Variants in CHN2 observed in about 807,000 individuals in gnomAD.
CHN2 encodes the protein beta-chimaerin.
CHN2 carries 35 observed loss-of-function variants against 56.3 expected under a neutral mutation model. The ratio of observed to expected loss-of-function variants is 0.62; its 90% CI spans 0.47 to 0.82. The LOEUF (loss-of-function observed/expected upper bound fraction) is 0.82, where lower values mean the gene tolerates loss of function less well. Among genes scored for constraint, CHN2 ranks in the 40% least tolerant of loss-of-function variants. The pLI is 0.00. For synonymous variants in CHN2, 210 were observed against 212.8 expected (o/e 0.99, Z 0.12); for missense variants, 491 against 580.5 (o/e 0.85, Z 1.58).
intron 1 of CHN2, among the ~76,000 whole-genome samples, chr7:29,303,304 G>A (rs1266447455): frequency 6.6e-6 from 1 of 151,962 alleles, no homozygotes; most frequent in Non-Finnish European, 1.5e-5. Context: ...TATTCCCATT[G>A]ATGCGCCGCC....
intron 1 of CHN2, among the ~76,000 whole-genome samples, chr7:29,324,100 G>A (rs1023014104): frequency 1.3e-5 from 2 of 152,082 alleles, no homozygotes; most frequent in Non-Finnish European, 2.9e-5. Flanking sequence ...GGTGGGGGGC[G>A]GGCACAGGAG....
Position 29,348,844 on chromosome 7 carries a change from A to G in CHN2, c.50-5781A>G, listed in dbSNP as rs548377971. 2.6e-5 allele frequency among the ~76,000 whole-genome samples: 4 copies of G among 152,342 alleles called. No individual in the cohort carries two copies. The East Asian group carries it at 7.7e-4, about 29-fold the overall frequency. On this transcript the variant is annotated intron_variant, in intron 1 of 12. Coordinates refer to ENST00000222792, the MANE Select transcript of CHN2 (RefSeq NM_004067.4). Reference sequence around the variant, plus strand: ...CAATATATACAGAAAATTGTAAAATACAAGTAAGCAGAAGAAGAAAATAGA... The same window carrying G: ...CAATATATACAGAAAATTGTAAAATGCAAGTAAGCAGAAGAAGAAAATAGA...
At chr7:29,330,314 G>A (rs775864436) in intron 1 of CHN2, among the ~76,000 whole-genome samples, 93 of 152,292 alleles carry the variant, frequency 6.1e-4, no homozygotes, top group Middle Eastern at 3.4e-3. Flanking sequence ...AGATGATTAC[G>A]ATATTGCACC....
rs925787365 is a variant in CHN2 at position 29,432,934 on chromosome 7, G to A, written c.576+32106G>A. On this transcript the variant is annotated intron_variant, in intron 6 of 12. Transcript: ENST00000222792. Reference sequence around the variant, plus strand: ...CTGACAACTGGGAGGCTGTAGCTCCGGCATTCTTCTGTTGGCGACAGCTCT... The same window carrying A: ...CTGACAACTGGGAGGCTGTAGCTCCAGCATTCTTCTGTTGGCGACAGCTCT... Among the ~76,000 whole-genome samples the A allele has an allele frequency of 4.6e-5, 7 of 152,268 alleles. No homozygotes were observed. In the South Asian group the frequency reaches 6.2e-4, roughly 14 times the overall value.
At chr7:29,285,542 G>A (rs1273332968) in intron 1 of CHN2, among the ~76,000 whole-genome samples, 4 of 152,198 alleles carry the variant, frequency 2.6e-5, no homozygotes, top group South Asian at 2.1e-4. Flanking sequence ...TGAATGCAGC[G>A]TTAGACCACA....
chr7:29,480,213 G>A (rs754827172), intron 6 of CHN2, 66 bp from the exon 7 acceptor site: 33 of 1,613,726 alleles, frequency 2.0e-5, no homozygotes, highest in African/African-American at 5.3e-5. Context: ...CGTAGCCTTC[G>A]GGGTGAAGGT....
At chr7:29,258,858 C>T (rs1405643711) in intron 1 of CHN2, among the ~76,000 whole-genome samples, 1 of 152,092 alleles carries the variant, frequency 6.6e-6, no homozygotes, top group South Asian at 2.1e-4. Flanking sequence ...ACATGCAATC[C>T]CACTTCCATC....
At chr7:29,423,845 G>A (rs371889906) in intron 6 of CHN2, among the ~76,000 whole-genome samples, 12 of 152,076 alleles carry the variant, frequency 7.9e-5, no homozygotes, top group South Asian at 4.1e-4. Flanking sequence ...TATCCTGGTC[G>A]CAGGCTGGTT....
chr7:29,423,869 C>T (rs1181752800), intron 6 of CHN2, among the ~76,000 whole-genome samples: 1 of 152,110 alleles, frequency 6.6e-6, no homozygotes, highest in African/African-American at 2.4e-5. Context: ...AGTCCATGCC[C>T]CATTTGTAGC....
upstream of CHN2, chr7:29,193,308 CTG>C (rs1407709578): frequency 1.3e-5 from 2 of 151,820 alleles, no homozygotes; most frequent in Non-Finnish European, 2.9e-5. Flanking sequence ...TGGGTGCGTA[CTG>C]TGATTATTTA....
chr7:29,405,754 T>TTTTGTTTG (rs1164069326), intron 6 of CHN2, among the ~76,000 whole-genome samples: 1 of 152,022 alleles, frequency 6.6e-6, no homozygotes, highest in East Asian at 1.9e-4. Context: ...CCACTCAGCG[T>TTTTGTTTG]TTTGTTTGTT....
intron 1 of CHN2, among the ~76,000 whole-genome samples, chr7:29,252,206 T>TA (rs1788606561): frequency 2.7e-5 from 4 of 150,508 alleles, no homozygotes; most frequent in African/African-American, 7.4e-5. Context: ...TTTTTTTTTT[T>TA]TTTAGACAGT....
At chr7:29,235,672 G>A (rs1175140176) in intron 1 of CHN2, among the ~76,000 whole-genome samples, 1 of 152,212 alleles carries the variant, frequency 6.6e-6, no homozygotes, top group East Asian at 1.9e-4. Flanking sequence ...TAAAGAAAAT[G>A]TAGTACATGT....
chr7:29,254,381 A>G (rs1468962289), intron 1 of CHN2, among the ~76,000 whole-genome samples: 1 of 152,254 alleles, frequency 6.6e-6, no homozygotes, highest in East Asian at 1.9e-4. Context: ...AACATATTCA[A>G]AGTAACTGAG....
intron 1 of CHN2, among the ~76,000 whole-genome samples, chr7:29,336,902 C>T (rs182837724): frequency 7.9e-5 from 12 of 152,036 alleles, no homozygotes; most frequent in African/African-American, 9.6e-5. Flanking sequence ...AACTCCTACT[C>T]ATCCGTCACT....
intron 1 of CHN2, among the ~76,000 whole-genome samples, chr7:29,258,781 G>A (rs1471336137): frequency 1.3e-5 from 2 of 152,204 alleles, no homozygotes; most frequent in Non-Finnish European, 2.9e-5. Flanking sequence ...TTTTACTGAT[G>A]AGTGTGTAGA....
intron 2 of CHN2, among the ~76,000 whole-genome samples, chr7:29,160,960 G>A (rs192610742): frequency 6.6e-6 from 1 of 152,224 alleles, no homozygotes; most frequent in African/African-American, 2.4e-5. Context: ...AAGAACAAGT[G>A]TCATTTTCTT....
At position 29,495,984 on chromosome 7, in the gene CHN2, A is replaced by G. The variant is rs1356531596; in HGVS notation, c.687A>G (p.Glu229=). The G allele has an allele frequency of 6.2e-7, 1 of 1,613,002 alleles. No individual in the cohort carries two copies. Reference sequence around the variant, plus strand: ...CGTTCCGAGGCCCACACTGGTGTGAATATTGTGCCAATTTCATGTGGGGGC... The same window carrying G: ...CGTTCCGAGGCCCACACTGGTGTGAGTATTGTGCCAATTTCATGTGGGGGC... ...VHTFRGPHWC[E]YCANFMWGLI... Residue 229 remains glutamate (E), a synonymous_variant, in exon 8 of 13, where the codon GAA becomes GAG. Transcript: ENST00000222792.
At chr7:29,351,563 G>A (rs1797890192) in intron 1 of CHN2, among the ~76,000 whole-genome samples, 1 of 152,200 alleles carries the variant, frequency 6.6e-6, no homozygotes, top group Admixed American at 6.5e-5. Context: ...AACCTGGCAG[G>A]TAGAGCCCCT....
Sources: gnomAD v4.1 joint callset for allele counts (sites outside exome capture counted in the v4.1 genomes callset) on GRCh38, gnomAD v4.1.1 for gene constraint, MANE v1.5 for transcripts, NCBI Gene and HGNC (gene_info 2026-07-23, HGNC 2026-07-21) for gene names.